CACNA2D3: variants seen among roughly 807,000 people sequenced by gnomAD.
The protein encoded by CACNA2D3 is calcium voltage-gated channel auxiliary subunit alpha2delta 3, also known as voltage-dependent calcium channel subunit alpha-2/delta-3.
CACNA2D3 carries 60 observed loss-of-function variants against 160.6 expected under a neutral mutation model. The observed-to-expected ratio is 0.37, with a 90% CI of 0.30 to 0.46. The LOEUF (loss-of-function observed/expected upper bound fraction) is 0.46. CACNA2D3 is among the 20% of genes least tolerant of loss of function. The pLI is 1.00. For synonymous variants in CACNA2D3, 558 were observed against 492.9 expected (o/e 1.13, Z -1.75); for missense variants, 1,205 against 1,365.0 (o/e 0.88, Z 1.85).
chr3:55,062,942 T>C (rs961106891), intron 35 of CACNA2D3, among the ~76,000 whole-genome samples: 1 of 152,208 alleles, frequency 6.6e-6, no homozygotes, highest in East Asian at 1.9e-4. Context: ...TCATTTCCAG[T>C]GTAGCAGTAC....
chr3:54,797,625 T>C (rs1702893286), intron 13 of CACNA2D3, among the ~76,000 whole-genome samples: 1 of 152,206 alleles, frequency 6.6e-6, no homozygotes, highest in African/African-American at 2.4e-5. Flanking sequence ...CTTTTTTAAC[T>C]TGAGACATAG....
chr3:54,146,959 T>C (rs1700042359), intron 2 of CACNA2D3, among the ~76,000 whole-genome samples: 1 of 152,244 alleles, frequency 6.6e-6, no homozygotes, highest in Admixed American at 6.5e-5. Flanking sequence ...GAAGGCCTTC[T>C]CTTACCTGCA....
At chr3:54,425,102 G>A (rs1699893107) in intron 4 of CACNA2D3, among the ~76,000 whole-genome samples, 1 of 152,208 alleles carries the variant, frequency 6.6e-6, no homozygotes, top group African/African-American at 2.4e-5. Flanking sequence ...GGCTGAGGCA[G>A]GTGTATCGCC....
At chr3:55,039,201 C>G (rs1183745033) in intron 35 of CACNA2D3, among the ~76,000 whole-genome samples, 1 of 152,010 alleles carries the variant, frequency 6.6e-6, no homozygotes, top group African/African-American at 2.4e-5. Context: ...CTGTAGAAAC[C>G]AAAGAACAGT....
At chr3:54,813,963 C>T (rs977535174) in intron 13 of CACNA2D3, among the ~76,000 whole-genome samples, 7 of 150,098 alleles carry the variant, frequency 4.7e-5, no homozygotes, top group Admixed American at 4.7e-4. Context: ...CTCCTGGGCT[C>T]AGGTGATTCT....
At chr3:54,918,919 T>C in intron 27 of CACNA2D3, 2 of 1,505,664 alleles carry the variant, frequency 1.3e-6, no homozygotes, top group South Asian at 2.7e-5. Context: ...CAAAGAACAA[T>C]AACAAAGCCT....
At chr3:54,417,070 C>T (rs1432912546) in intron 4 of CACNA2D3, among the ~76,000 whole-genome samples, 2 of 152,130 alleles carry the variant, frequency 1.3e-5, no homozygotes, top group East Asian at 3.9e-4. Flanking sequence ...TAATCGGCTT[C>T]TAAGGATGAG....
At chr3:54,846,807 CACT>C (rs1698942812) in intron 17 of CACNA2D3, among the ~76,000 whole-genome samples, 1 of 152,176 alleles carries the variant, frequency 6.6e-6, no homozygotes, top group Non-Finnish European at 1.5e-5. Context: ...AATACATGGA[CACT>C]CATACTCCAG....
At chr3:54,458,043 T>C (rs1411526835) in intron 4 of CACNA2D3, among the ~76,000 whole-genome samples, 1 of 152,084 alleles carries the variant, frequency 6.6e-6, no homozygotes, top group African/African-American at 2.4e-5. Flanking sequence ...TGCCAGCCTA[T>C]ATCTTTTAAC....
chr3:54,729,600 C>G (rs568620816), intron 11 of CACNA2D3, among the ~76,000 whole-genome samples: 3 of 152,156 alleles, frequency 2.0e-5, no homozygotes, highest in Non-Finnish European at 4.4e-5. Flanking sequence ...TTCCTCCATT[C>G]GAGTGTTATC....
intron 5 of CACNA2D3, among the ~76,000 whole-genome samples, chr3:54,520,165 G>T (rs1459755411): frequency 6.6e-6 from 1 of 152,216 alleles, no homozygotes; most frequent in African/African-American, 2.4e-5. Flanking sequence ...CATGTGCAAA[G>T]GCTGATATTT....
intron 2 of CACNA2D3, among the ~76,000 whole-genome samples, chr3:54,265,346 C>T (rs996750496): frequency 2.6e-5 from 4 of 152,062 alleles, no homozygotes; most frequent in African/African-American, 9.7e-5. Context: ...AATGAGAACA[C>T]ATGGACACAG....
At chr3:54,539,894 G>A (rs1314505644) in intron 5 of CACNA2D3, among the ~76,000 whole-genome samples, 6 of 152,108 alleles carry the variant, frequency 3.9e-5, no homozygotes, top group South Asian at 2.1e-4. Context: ...AGCTGCTGAC[G>A]AGCAGGCCCT....
intron 12 of CACNA2D3, among the ~76,000 whole-genome samples, chr3:54,756,765 A>G (rs147884773): frequency 1.3e-3 from 196 of 152,200 alleles, no homozygotes; most frequent in African/African-American, 4.5e-3. Context: ...GTAGCCATGG[A>G]GACAGTTCTT....
At chr3:54,419,816 A>C (rs1304880759) in intron 4 of CACNA2D3, among the ~76,000 whole-genome samples, 1 of 152,160 alleles carries the variant, frequency 6.6e-6, no homozygotes, top group Admixed American at 6.5e-5. Flanking sequence ...CCCAGGCTGG[A>C]GTGCAGTGGC....
chr3:54,850,987 C>T (rs1348472892), intron 17 of CACNA2D3, among the ~76,000 whole-genome samples: 1 of 152,220 alleles, frequency 6.6e-6, no homozygotes, highest in Non-Finnish European at 1.5e-5. Flanking sequence ...GCAAGCTGCT[C>T]AGAGAGGTCA....
intron 5 of CACNA2D3, among the ~76,000 whole-genome samples, chr3:54,551,796 A>G (rs1702162801): frequency 1.3e-5 from 2 of 152,122 alleles, no homozygotes; most frequent in South Asian, 2.1e-4. Flanking sequence ...TTGTTCTAGT[A>G]TTTGCTGGTG....
intron 4 of CACNA2D3, among the ~76,000 whole-genome samples, chr3:54,412,282 A>C (rs1482763307): frequency 6.6e-6 from 1 of 151,924 alleles, no homozygotes; most frequent in Non-Finnish European, 1.5e-5. Flanking sequence ...ATTATCTTTC[A>C]GTTCAAAATG....
intron 3 of CACNA2D3, among the ~76,000 whole-genome samples, chr3:54,323,420 C>A (rs1042975065): frequency 6.6e-6 from 1 of 151,798 alleles, no homozygotes; most frequent in Non-Finnish European, 1.5e-5. Context: ...GGGCAGTGAC[C>A]CTTCCCCCTC....
Sources: gnomAD v4.1 joint callset for allele counts (sites outside exome capture counted in the v4.1 genomes callset) on GRCh38, gnomAD v4.1.1 for gene constraint, MANE v1.5 for transcripts, NCBI Gene and HGNC (gene_info 2026-07-23, HGNC 2026-07-21) for gene names.